The following ZNF138 variants were observed in gnomAD, a reference collection of about 807,000 sequenced individuals.
The protein encoded by ZNF138 is zinc finger protein 138 (clone pHZ-32).
Under a neutral mutation model 33.0 loss-of-function variants are expected in ZNF138, and 33 were observed. That is an observed-to-expected ratio of 1.00 (90% CI 0.76 to 1.34). The LOEUF is 1.34. ZNF138 is among the 40% of genes most tolerant of loss of function. The pLI is 0.00. For synonymous variants in ZNF138, 139 were observed against 120.4 expected (o/e 1.15, Z -1.01); for missense variants, 360 against 370.8 (o/e 0.97, Z 0.24).
chr7:64,838,265 C>T (rs1790420050), downstream of ZNF138, among the ~76,000 whole-genome samples: 1 of 152,230 alleles, frequency 6.6e-6, no homozygotes, highest in Non-Finnish European at 1.5e-5. Context: ...GGCAGTCTGA[C>T]TTCCAGTGCC....
intron 3 of ZNF138, among the ~76,000 whole-genome samples, chr7:64,823,464 T>C (rs1789328662): frequency 6.6e-6 from 1 of 152,062 alleles, no homozygotes; most frequent in African/African-American, 2.4e-5. Flanking sequence ...GCCTCCTGAG[T>C]AGCTGTGACT....
chr7:64,796,976 A>G (rs1030414431), intron 1 of ZNF138, among the ~76,000 whole-genome samples: 5 of 151,818 alleles, frequency 3.3e-5, no homozygotes, highest in African/African-American at 1.2e-4. Context: ...TTTGAACCCC[A>G]TAGGCAGAGG....
intron 3 of ZNF138, among the ~76,000 whole-genome samples, chr7:64,818,301 T>C (rs1788843235): frequency 6.6e-6 from 1 of 152,124 alleles, no homozygotes; most frequent in Admixed American, 6.6e-5. Flanking sequence ...ATTTCTTTTA[T>C]ATAAGCAGAG....
intron 3 of ZNF138, among the ~76,000 whole-genome samples, chr7:64,817,474 GT>G (rs199965449): frequency 0.011 from 1,638 of 151,634 alleles, 24 homozygotes; most frequent in African/African-American, 0.038. Context: ...GGGTTTAGCA[GT>G]TTCACAACTC....
intron 1 of ZNF138, among the ~76,000 whole-genome samples, chr7:64,797,966 A>G (rs565593011): frequency 6.6e-6 from 1 of 152,140 alleles, no homozygotes; most frequent in Non-Finnish European, 1.5e-5. Context: ...TTTGAGACAG[A>G]GTCTTACTTT....
chr7:64,806,975 G>A (rs1787652276), intron 1 of ZNF138, among the ~76,000 whole-genome samples: 1 of 152,200 alleles, frequency 6.6e-6, no homozygotes, highest in Non-Finnish European at 1.5e-5. Context: ...CTGGAAGGTT[G>A]TGGGTTTACC....
intron 1 of ZNF138, among the ~76,000 whole-genome samples, chr7:64,801,795 A>C (rs1335478734): frequency 6.6e-6 from 1 of 152,152 alleles, no homozygotes; most frequent in Non-Finnish European, 1.5e-5. Flanking sequence ...GTCTCTTCAT[A>C]AATCTCTAAG....
intron 1 of ZNF138, among the ~76,000 whole-genome samples, chr7:64,800,339 CTTG>C (rs1787042445): frequency 6.6e-6 from 1 of 152,120 alleles, no homozygotes; most frequent in Admixed American, 6.6e-5. Context: ...TCTTGGATAA[CTTG>C]TTATTTTGAA....
the ZNF138 span, among the ~76,000 whole-genome samples, chr7:64,847,332 A>ATATATATATATT: frequency 1.6e-5 from 2 of 128,138 alleles, no homozygotes; most frequent in South Asian, 2.5e-4. Flanking sequence ...ATATATATAT[A>ATATATATATATT]TTTTTTTTTT....
In ZNF138 at chr7:64,814,920, A is replaced by G; in HGVS notation, c.6A>G (p.Gly2=). 1 of 1,612,708 alleles carries G rather than the reference A, an allele frequency of 6.2e-7. No homozygotes were observed. Among genetic ancestry groups the G allele is most frequent in the Non-Finnish European group, 8.5e-7 (1 of 1,179,196 alleles). Residue 2 remains glycine (G), a splice_region_variant and synonymous_variant, in exon 2 of 4, where the codon GGA becomes GGG. Coordinates refer to ENST00000307355, the MANE Select transcript of ZNF138 (RefSeq NM_001271639.2). The part of the protein sequence containing the change: M[G]PLTFMDVAIE... ...GTTTGTGTGTGCGTGTTTTTCAGGG[A>G]CCACTGACATTTATGGATGTGGCCA...
In ZNF138 at chr7:64,821,078, TTTTGTTTG is replaced by T. The variant is rs200335218; in HGVS notation, c.208+5445_208+5452del. Among the ~76,000 whole-genome samples the T allele has an allele frequency of 2.9e-3, 439 of 150,708 alleles. 12 individuals are homozygous for T. The highest frequency in any genetic ancestry group is 0.01 in the African/African-American group (409 of 40,316). ...TTTGGTTTTTTTGTTTTGTTTTGTTTTTTGTTTGTTTGTTTGTTTGTTTGTTTTTGGGA... is the reference window on the plus strand; with the variant it reads ...TTTGGTTTTTTTGTTTTGTTTTGTTTTTTGTTTGTTTGTTTGTTTTTGGGA... On this transcript the variant is annotated intron_variant, in intron 3 of 3. Coordinates refer to ENST00000307355, the MANE Select transcript of ZNF138 (RefSeq NM_001271639.2).
intron 1 of ZNF138, among the ~76,000 whole-genome samples, chr7:64,810,178 G>C (rs937172721): frequency 1.1e-4 from 16 of 140,048 alleles, no homozygotes; most frequent in Non-Finnish European, 1.9e-4. Context: ...ATTGAGCACT[G>C]AGTGAACGAG....
the ZNF138 span, among the ~76,000 whole-genome samples, chr7:64,848,862 G>T: frequency 0.42 from 64,292 of 151,576 alleles, 13,891 homozygotes; most frequent in Non-Finnish European, 0.46. Flanking sequence ...CTGCCACCAC[G>T]CCAGGCTAAT....
At chr7:64,799,303 A>T (rs755112733) in intron 1 of ZNF138, among the ~76,000 whole-genome samples, 1 of 151,928 alleles carries the variant, frequency 6.6e-6, no homozygotes, top group Non-Finnish European at 1.5e-5. Context: ...AGTAGCTGGG[A>T]TTACAGACAT....
intron 1 of ZNF138, among the ~76,000 whole-genome samples, chr7:64,805,981 G>A (rs1795167254): frequency 6.6e-6 from 1 of 152,226 alleles, no homozygotes; most frequent in South Asian, 2.1e-4. Context: ...CTCTTAAACA[G>A]ATTGAGTGTG....
the ZNF138 span, among the ~76,000 whole-genome samples, chr7:64,854,048 T>A: frequency 6.8e-6 from 1 of 146,292 alleles, no homozygotes; most frequent in African/African-American, 2.5e-5. Flanking sequence ...AAAAAAAAAA[T>A]AATTATTTTC....
chr7:64,858,181 A>C, the ZNF138 span, among the ~76,000 whole-genome samples: 5 of 152,010 alleles, frequency 3.3e-5, no homozygotes, highest in African/African-American at 4.8e-5. Flanking sequence ...TTAGCTTTTC[A>C]TGAAAAATCT....
chr7:64,830,731 A>T (rs541829349), intron 3 of ZNF138, among the ~76,000 whole-genome samples: 19 of 152,180 alleles, frequency 1.2e-4, no homozygotes, highest in African/African-American at 4.6e-4. Context: ...AAATTTGAAC[A>T]TTAAAAAAAG....
chr7:64,807,732 C>G lies in ZNF138; in HGVS notation c.4-7186C>G, dbSNP rs78933589. ...TGTCAACATAGACATCTTAAAGCCC[C>G]GCTTTGGGAGTGTGGCTCTTTGAGC... is the stretch of plus-strand genomic sequence containing the variant. On this transcript the variant is annotated intron_variant, in intron 1 of 3. Transcript: ENST00000307355. Among the ~76,000 whole-genome samples the G allele has an allele frequency of 6.6e-5, 10 of 152,280 alleles. No individual in the cohort carries two copies. The East Asian group carries it at 1.5e-3, about 24-fold the overall frequency.
Sources: gnomAD v4.1 joint callset for allele counts (sites outside exome capture counted in the v4.1 genomes callset) on GRCh38, gnomAD v4.1.1 for gene constraint, MANE v1.5 for transcripts, NCBI Gene and HGNC (gene_info 2026-07-23, HGNC 2026-07-21) for gene names.